RIPOR2: variants seen among roughly 807,000 people sequenced by gnomAD.
RIPOR2 encodes RHO family interacting cell polarization regulator 2, also known as rho family-interacting cell polarization regulator 2.
Under a neutral mutation model 114.5 loss-of-function variants are expected in RIPOR2, and 39 were observed. The ratio of observed to expected loss-of-function variants is 0.34; its 90% CI spans 0.26 to 0.44. RIPOR2 has a LOEUF of 0.44. RIPOR2 is among the 20% of genes least tolerant of loss of function. The pLI, the probability that RIPOR2 is intolerant of heterozygous loss-of-function variation, is 1.00. For missense variants in RIPOR2, 1,007 were observed against 1,255.1 expected (o/e 0.80, Z 2.99); for synonymous variants, 445 against 484.4 (o/e 0.92, Z 1.07).
intron 1 of RIPOR2, among the ~76,000 whole-genome samples, chr6:24,965,925 T>C (rs1773509076): frequency 6.6e-6 from 1 of 152,194 alleles, no homozygotes; most frequent in African/African-American, 2.4e-5. Flanking sequence ...TCTTCTGTAT[T>C]GCAAGAGTTT....
intron 1 of RIPOR2, among the ~76,000 whole-genome samples, chr6:24,998,877 ATT>A (rs35140074): frequency 0.52 from 78,244 of 150,516 alleles, 20,686 homozygotes; most frequent in East Asian, 0.75. Flanking sequence ...ATATGCAGTC[ATT>A]TTTTTTTTTT....
At chr6:24,836,017 A>G (rs1385401674) in intron 14 of RIPOR2, 146 bp from the exon 15 acceptor site, 1 of 712,630 alleles carries the variant, frequency 1.4e-6, no homozygotes, top group Non-Finnish European at 2.3e-6. Flanking sequence ...CACCTTTAAA[A>G]AATTACTTAA....
chr6:24,826,541 T>C (rs1760207261), intron 18 of RIPOR2, among the ~76,000 whole-genome samples: 1 of 152,170 alleles, frequency 6.6e-6, no homozygotes, highest in Non-Finnish European at 1.5e-5. Context: ...GTGAATGCTC[T>C]ATCAATTTCA....
chr6:25,007,219 C>T (rs186980273), intron 1 of RIPOR2, among the ~76,000 whole-genome samples: 22 of 152,228 alleles, frequency 1.4e-4, no homozygotes, highest in African/African-American at 5.3e-4. Context: ...AGGCAAAATA[C>T]CATGAACAGA....
chr6:25,040,017 CTTAAT>C (rs897681145), intron 1 of RIPOR2, among the ~76,000 whole-genome samples: 4 of 152,048 alleles, frequency 2.6e-5, no homozygotes, highest in Non-Finnish European at 5.9e-5. Context: ...ACTCATTCAT[CTTAAT>C]TTAATTGTCT....
At position 24,842,951 on chromosome 6, in the gene RIPOR2, G is replaced by A. The variant is rs750548750; in HGVS notation, c.1768C>T (p.Leu590Phe). Residue 590 changes from leucine (L) to phenylalanine (F), a missense_variant, in exon 13 of 22, where the codon CTT becomes TTT. Transcript: ENST00000643898. ...TTATGTGGTTCTAATGCAAGTAAAA[G>A]CCCATTAAAAGCATCCTCTAAGCTT... ...DGSLEDAFNGLLLALEPHKEQ... is the reference protein window; with the variant it reads ...DGSLEDAFNGFLLALEPHKEQ... 6.5e-7 allele frequency: 1 copy of A among 1,526,842 alleles called. No homozygotes were observed. Among genetic ancestry groups the A allele is most frequent in the East Asian group, 2.3e-5 (1 of 44,164 alleles). 94.6% of individuals were successfully genotyped at this position (1,526,842 alleles called of 1,614,324 possible). A position where few individuals can be genotyped will look rare whatever the true frequency, so the allele number is the denominator to read the frequency against.
intron 1 of RIPOR2, among the ~76,000 whole-genome samples, chr6:24,946,019 C>T (rs926940373): frequency 2.0e-5 from 3 of 152,038 alleles, no homozygotes. Context: ...TTAAGAGATA[C>T]ATTTCTAATA....
At chr6:24,994,027 T>TGAG (rs1774943464) in intron 1 of RIPOR2, among the ~76,000 whole-genome samples, 1 of 152,212 alleles carries the variant, frequency 6.6e-6, no homozygotes, top group African/African-American at 2.4e-5. Context: ...TACCTAACAT[T>TGAG]TCACTCACAG....
At chr6:25,040,120 C>CT (rs11384967) in intron 1 of RIPOR2, among the ~76,000 whole-genome samples, 72,740 of 144,796 alleles carry the variant, frequency 0.5, 17,946 homozygotes, top group South Asian at 0.54. Context: ...TAGACTTCTA[C>CT]TTTTTTTTTT....
chr6:24,888,620 C>G (rs1767047387), intron 1 of RIPOR2, among the ~76,000 whole-genome samples: 1 of 152,146 alleles, frequency 6.6e-6, no homozygotes, highest in Non-Finnish European at 1.5e-5. Context: ...GCAATTAATG[C>G]TGGTGTTTAT....
intron 1 of RIPOR2, chr6:24,910,979 G>C (rs1360049848): frequency 5.1e-6 from 5 of 985,220 alleles, no homozygotes; most frequent in Non-Finnish European, 6.0e-6. Flanking sequence ...AGGAAGTCGG[G>C]TGGACGCGAG....
chr6:24,894,502 A>G (rs1767660232), intron 1 of RIPOR2, among the ~76,000 whole-genome samples: 1 of 152,158 alleles, frequency 6.6e-6, no homozygotes, highest in African/African-American at 2.4e-5. Context: ...TACTATTAAC[A>G]ATTTCCTTTT....
chr6:24,976,663 T>C, intron 1 of RIPOR2: 2 of 1,608,606 alleles, frequency 1.2e-6, no homozygotes, highest in Non-Finnish European at 1.7e-6. Context: ...TATTCCAGGG[T>C]TTATGTGTCA....
chr6:25,012,653 T>C lies in RIPOR2; in HGVS notation c.76+29198A>G, dbSNP rs533196991. Among the ~76,000 whole-genome samples, 4 of 152,326 alleles carry C rather than the reference T, an allele frequency of 2.6e-5. No homozygotes were observed. In the East Asian group the frequency reaches 7.7e-4, roughly 29 times the overall value. The stretch of plus-strand genomic sequence containing the variant: ...TGTTACTTATGATCAGATGATCCTA[T>C]TTATATAAAATATCCAAAATATACA... On this transcript the variant is annotated intron_variant, in intron 1 of 13. Coordinates refer to the RIPOR2 transcript ENST00000510784.
chr6:24,828,322 A>T (rs575158707), intron 17 of RIPOR2, 27 bp from the exon 18 acceptor site: 1 of 1,464,074 alleles, frequency 6.8e-7, no homozygotes, highest in East Asian at 2.6e-5. Flanking sequence ...GACACAAAGC[A>T]GCTTTAGATA....
intron 1 of RIPOR2, among the ~76,000 whole-genome samples, chr6:24,967,772 T>C (rs575916843): frequency 6.6e-6 from 1 of 152,258 alleles, no homozygotes; most frequent in African/African-American, 2.4e-5. Context: ...ATTATTTTCC[T>C]TTGTGGATGA....
intron 1 of RIPOR2, among the ~76,000 whole-genome samples, chr6:24,978,550 A>G (rs1774168886): frequency 6.6e-6 from 1 of 152,126 alleles, no homozygotes; most frequent in Admixed American, 6.5e-5. Flanking sequence ...CTCATACCAG[A>G]TGGTACAATC....
Position 24,850,705 on chromosome 6 carries a change from G to T in RIPOR2, c.777C>A (p.Gly259=). 1 of 1,613,652 alleles carries T rather than the reference G, an allele frequency of 6.2e-7. No individual in the cohort carries two copies. The highest frequency in any genetic ancestry group is 8.5e-7 in the Non-Finnish European group (1 of 1,179,832). ...TGCCTTTCAGTTTCCACCGCTGCCG[G>T]CCATACTTCATGAAAATCTGGAGAG... The part of the protein sequence containing the change: ...GDQYEIFMKY[G]RQRWKLKGKI... Residue 259 remains glycine, a synonymous_variant, in exon 10 of 22, where the codon GGC becomes GGA. Transcript: ENST00000643898.
At chr6:24,914,342 A>G (rs1769907711) in intron 1 of RIPOR2, among the ~76,000 whole-genome samples, 1 of 152,080 alleles carries the variant, frequency 6.6e-6, no homozygotes, top group Admixed American at 6.6e-5. Context: ...AACAACAACA[A>G]CCAAAACAAA....
Sources: gnomAD v4.1 joint callset for allele counts (sites outside exome capture counted in the v4.1 genomes callset) on GRCh38, gnomAD v4.1.1 for gene constraint, MANE v1.5 for transcripts, NCBI Gene and HGNC (gene_info 2026-07-23, HGNC 2026-07-21) for gene names.